ERP44: variants seen among roughly 807,000 people sequenced by gnomAD.
ERP44 encodes endoplasmic reticulum protein 44.
Under a neutral mutation model 53.4 loss-of-function variants are expected in ERP44, and 25 were observed. That is an observed-to-expected ratio of 0.47 (90% confidence interval 0.34 to 0.65). ERP44 has a LOEUF of 0.65. Among genes scored for constraint, ERP44 ranks in the 30% least tolerant of loss-of-function variants. The pLI, the probability that ERP44 is intolerant of heterozygous loss-of-function variation, is 0.01. For missense variants in ERP44, 338 were observed against 493.2 expected, an observed-to-expected ratio of 0.69 and a Z score of 2.98; for synonymous variants, 145 against 161.2, an observed-to-expected ratio of 0.90 and a Z score of 0.76.
At chr9:100,096,327 T>C (rs1826628182) in intron 1 of ERP44, among the ~76,000 whole-genome samples, 1 of 151,992 alleles carries the variant, frequency 6.6e-6, no homozygotes, top group Non-Finnish European at 1.5e-5. Context: ...GATAGGAAGA[T>C]AAGCAGAAAA....
chr9:99,994,977 T>C (rs1319489357), intron 10 of ERP44, among the ~76,000 whole-genome samples: 1 of 152,232 alleles, frequency 6.6e-6, no homozygotes, highest in African/African-American at 2.4e-5. Flanking sequence ...ATCAACACAG[T>C]ATACTTCCTC....
intron 3 of ERP44, among the ~76,000 whole-genome samples, chr9:100,056,089 T>C (rs909473664): frequency 1.2e-4 from 19 of 152,360 alleles, no homozygotes; most frequent in Admixed American, 7.8e-4. Context: ...CACATTCTAT[T>C]ACCCTTTCTT....
At position 100,018,714 on chromosome 9, in the gene ERP44, C is replaced by A. The variant is rs1021554508; in HGVS notation, c.588-401G>T. ...TATTTGTCCATTGTTGTTTCCTGAA[C>A]CTAGTACAGTATCTGGCACACAGAA... is the stretch of plus-strand genomic sequence containing the variant. On this transcript the variant is annotated intron_variant, in intron 6 of 11. Coordinates refer to ENST00000262455, the MANE Select transcript of ERP44 (RefSeq NM_015051.3). 2.6e-5 allele frequency among the ~76,000 whole-genome samples: 4 copies of A among 152,162 alleles called. No homozygotes were observed. In the South Asian group the frequency reaches 8.3e-4, roughly 32 times the overall value.
chr9:100,003,616 G>A (rs1830400593), intron 10 of ERP44, among the ~76,000 whole-genome samples: 1 of 151,796 alleles, frequency 6.6e-6, no homozygotes, highest in Non-Finnish European at 1.5e-5. Flanking sequence ...TGAAACTTGG[G>A]TCCACAGGAG....
At chr9:100,071,713 A>G (rs1826307614) in intron 1 of ERP44, among the ~76,000 whole-genome samples, 1 of 152,140 alleles carries the variant, frequency 6.6e-6, no homozygotes, top group Non-Finnish European at 1.5e-5. Context: ...TGAGGTCAGG[A>G]GTTTGAGAGC....
intron 10 of ERP44, among the ~76,000 whole-genome samples, chr9:99,988,672 G>A (rs2118602183): frequency 6.6e-6 from 1 of 152,248 alleles, no homozygotes; most frequent in Non-Finnish European, 1.5e-5. Context: ...CATCTCACTG[G>A]GACTGGTTGG....
chr9:100,012,059 G>A (rs1830481673), intron 8 of ERP44, among the ~76,000 whole-genome samples: 3 of 152,010 alleles, frequency 2.0e-5, no homozygotes, highest in Admixed American at 1.3e-4. Flanking sequence ...AAAAACTGGG[G>A]AAAAGGAAGT....
At chr9:100,068,062 C>T (rs543910731) in intron 1 of ERP44, among the ~76,000 whole-genome samples, 2 of 147,904 alleles carry the variant, frequency 1.4e-5, no homozygotes, top group South Asian at 2.2e-4. Flanking sequence ...CCAGCCGCCC[C>T]ATCCGGGAGG....
intron 3 of ERP44, among the ~76,000 whole-genome samples, chr9:100,053,803 C>T (rs1046427013): frequency 9.2e-5 from 14 of 152,260 alleles, no homozygotes; most frequent in Middle Eastern, 3.4e-3. Flanking sequence ...CATTCTCTTA[C>T]GGAAGAAGTA....
At chr9:100,016,837 G>T (rs1002041427) in intron 7 of ERP44, among the ~76,000 whole-genome samples, 1 of 152,192 alleles carries the variant, frequency 6.6e-6, no homozygotes, top group Non-Finnish European at 1.5e-5. Context: ...ATAATTCTGT[G>T]ATTACCAGGG....
chr9:100,052,380 G>C (rs1015653291), intron 4 of ERP44, 37 bp downstream of exon 4: 1 of 1,091,716 alleles, frequency 9.2e-7, no homozygotes, highest in Admixed American at 2.1e-5. Flanking sequence ...GTTTGGGATG[G>C]GACAGTCTCT....
At chr9:100,087,461 T>C (rs184844155) in intron 1 of ERP44, among the ~76,000 whole-genome samples, 1 of 152,326 alleles carries the variant, frequency 6.6e-6, no homozygotes, top group East Asian at 1.9e-4. Context: ...TATTTAGTCA[T>C]TCATTCATTC....
rs1344514470 is a variant in ERP44, at chr9:99,980,096, C to T, written c.*2516G>A. The T allele has an allele frequency of 5.0e-6, 2 of 398,482 alleles. No individual in the cohort carries two copies. Among genetic ancestry groups the T allele is most frequent in the East Asian group, 7.1e-5 (2 of 28,068 alleles). 24.7% of individuals were successfully genotyped at this position (398,482 alleles called of 1,614,324 possible). On this transcript the variant is annotated 3_prime_UTR_variant, in exon 12 of 12. Transcript: ENST00000262455. Reference sequence around the variant, plus strand: ...CCAGATCCCTACCTCCTGAGAACACCTATTCATCTTTTTAAAGCTCAAAAT... The same window carrying T: ...CCAGATCCCTACCTCCTGAGAACACTTATTCATCTTTTTAAAGCTCAAAAT...
At chr9:100,001,055 A>T (rs773494792) in intron 10 of ERP44, among the ~76,000 whole-genome samples, 2 of 151,954 alleles carry the variant, frequency 1.3e-5, no homozygotes, top group African/African-American at 2.4e-5. Context: ...TTCCATTTCC[A>T]TTTTTTAAAA....
At chr9:99,982,985 A>T (rs1412530637) in intron 11 of ERP44, among the ~76,000 whole-genome samples, 1 of 152,142 alleles carries the variant, frequency 6.6e-6, no homozygotes, top group Non-Finnish European at 1.5e-5. Flanking sequence ...AAGGGACCAA[A>T]ATACCTGACA....
At chr9:100,038,986 C>A (rs1349401744) in intron 4 of ERP44, among the ~76,000 whole-genome samples, 1 of 152,090 alleles carries the variant, frequency 6.6e-6, no homozygotes, top group African/African-American at 2.4e-5. Context: ...ATATGTAATG[C>A]ATGTAATACA....
At position 99,998,532 on chromosome 9, in the gene ERP44, A is replaced by G. The variant is rs543802283; in HGVS notation, c.1016+7974T>C. The stretch of plus-strand genomic sequence containing the variant: ...CTGTCCCGGCTCCCCCATCTCTGCT[A>G]ATCTTCACGCCTTCTGGAAAGCCAG... On this transcript the variant is annotated intron_variant, in intron 10 of 11. Coordinates refer to ENST00000262455, the MANE Select transcript of ERP44 (RefSeq NM_015051.3). 1.1e-3 allele frequency: 772 copies of G among 720,728 alleles called. 5 individuals carry two copies. Among genetic ancestry groups the G allele is most frequent in the Non-Finnish European group, 9.0e-5 (35 of 387,594 alleles). The allele number at this position is 720,728 out of a possible 1,614,324, so 44.6% of individuals were successfully genotyped here. A position where few individuals can be genotyped will look rare whatever the true frequency, so the allele number is the denominator to read the frequency against.
At position 100,018,287 on chromosome 9, in the gene ERP44, C is replaced by T; in HGVS notation, c.614G>A (p.Ser205Asn). Reference protein sequence around the residue: ...FGDVSKPERYSGDNIIYKPPG... With the variant: ...FGDVSKPERYNGDNIIYKPPG... ...TGGTTTGTAGATTATGTTGTCGCCA[C>T]TATATCTTTCCGGTTTTGAAACATC... The change falls in exon 7 of 12, where the codon AGT becomes AAT. Residue 205 changes from serine (S) to asparagine (N), a missense_variant. By Grantham distance (46) the Ser-to-Asn change is conservative. Transcript: ENST00000262455. The T allele has an allele frequency of 6.2e-7, 1 of 1,607,558 alleles. No individual in the cohort carries two copies. Among genetic ancestry groups the T allele is most frequent in the Admixed American group, 1.7e-5 (1 of 60,008 alleles).
chr9:100,095,133 A>T (rs1826611563), intron 1 of ERP44, among the ~76,000 whole-genome samples: 1 of 152,136 alleles, frequency 6.6e-6, no homozygotes, highest in Non-Finnish European at 1.5e-5. Context: ...TAAAAACTAA[A>T]AATTGAAAGA....
Sources: allele counts gnomAD v4.1 joint callset (sites outside exome capture counted in the v4.1 genomes callset), GRCh38; gene constraint gnomAD v4.1.1; transcripts MANE v1.5; gene names NCBI Gene and HGNC (gene_info 2026-07-23, HGNC 2026-07-21).